The following GALNTL6 variants were observed in gnomAD, a reference collection of about 807,000 sequenced individuals.
GALNTL6 encodes the protein polypeptide N-acetylgalactosaminyltransferase like 6.
A neutral mutation model predicts 73.7 loss-of-function variants in GALNTL6; 46 were observed. The observed-to-expected ratio is 0.62, with a 90% CI of 0.49 to 0.80. The LOEUF is 0.80. Ranked by LOEUF, GALNTL6 falls within the 30% of genes least tolerant of loss-of-function variation. GALNTL6 has a pLI of 0.00. For missense variants in GALNTL6, 604 were observed against 755.0 expected (o/e 0.80, Z 2.34); for synonymous variants, 259 against 263.7 (o/e 0.98, Z 0.17).
At chr4:171,869,626 C>T (rs1169994621) in intron 2 of GALNTL6, among the ~76,000 whole-genome samples, 1 of 152,150 alleles carries the variant, frequency 6.6e-6, no homozygotes, top group Non-Finnish European at 1.5e-5. Context: ...AGTCCATTGA[C>T]TCAAGTTTCA....
At chr4:172,695,672 G>A (rs1310410009) in intron 5 of GALNTL6, among the ~76,000 whole-genome samples, 2 of 152,050 alleles carry the variant, frequency 1.3e-5, no homozygotes, top group African/African-American at 4.8e-5. Context: ...TGTAGGCTGG[G>A]CACTGTGGCT....
At chr4:172,706,221 C>G (rs909005560) in intron 5 of GALNTL6, among the ~76,000 whole-genome samples, 4 of 151,778 alleles carry the variant, frequency 2.6e-5, no homozygotes, top group Non-Finnish European at 5.9e-5. Flanking sequence ...ATTTCTTCTG[C>G]TTGATTCAGT....
At chr4:172,191,701 C>T (rs2110879717) in intron 2 of GALNTL6, among the ~76,000 whole-genome samples, 1 of 152,336 alleles carries the variant, frequency 6.6e-6, no homozygotes, top group East Asian at 1.9e-4. Flanking sequence ...AAACTTCCCT[C>T]TTGAGAGGGC....
At chr4:172,905,812 C>CAAAAAAAAAAAAAAAAAA (rs397996287) in intron 8 of GALNTL6, among the ~76,000 whole-genome samples, 7 of 69,684 alleles carry the variant, frequency 1.0e-4, no homozygotes, top group South Asian at 6.4e-4. Context: ...AGAGATCACT[C>CAAAAAAAAAAAAAAAAAA]AAAAAAAAAA....
At chr4:172,952,014 A>ATTTTTT in intron 9 of GALNTL6, 23 bp from the exon 10 acceptor site, 2 of 1,421,242 alleles carry the variant, frequency 1.4e-6, no homozygotes, top group Non-Finnish European at 9.2e-7. Context: ...AATAAATGAC[A>ATTTTTT]TTTTTGTTTT....
intron 2 of GALNTL6, among the ~76,000 whole-genome samples, chr4:172,142,785 TATTACTCTC>T (rs967280721): frequency 6.6e-6 from 1 of 152,026 alleles, no homozygotes; most frequent in African/African-American, 2.4e-5. Context: ...TCATATTCTT[TATTACTCTC>T]AAAAATAATT....
chr4:171,997,120 C>T (rs1402960242), intron 2 of GALNTL6, among the ~76,000 whole-genome samples: 4 of 152,080 alleles, frequency 2.6e-5, no homozygotes, highest in African/African-American at 9.7e-5. Context: ...GTCTTGTCTT[C>T]TTCATGTAAG....
intron 5 of GALNTL6, among the ~76,000 whole-genome samples, chr4:172,638,264 C>T (rs1453776152): frequency 6.6e-6 from 1 of 152,102 alleles, no homozygotes; most frequent in Non-Finnish European, 1.5e-5. Flanking sequence ...GTATTGCAGA[C>T]AAGAAGCTAG....
chr4:171,851,751 T>C (rs1280314404), intron 2 of GALNTL6, among the ~76,000 whole-genome samples: 3 of 152,344 alleles, frequency 2.0e-5, no homozygotes, highest in Admixed American at 6.5e-5. Context: ...GTTTTATTCA[T>C]CTTTGTGTCT....
At chr4:171,815,948 G>A (rs1734514564) in intron 2 of GALNTL6, 1 of 152,056 alleles carries the variant, frequency 6.6e-6, no homozygotes, top group African/African-American at 2.4e-5. Flanking sequence ...GAAAAATGTT[G>A]ACATATTTTC....
At position 172,956,598 on chromosome 4, in the gene GALNTL6, C is replaced by G. The variant is rs150935383; in HGVS notation, c.1371+4340C>G. Among the ~76,000 whole-genome samples, 245 of 152,226 alleles carry G rather than the reference C, an allele frequency of 1.6e-3. 1 individual carries two copies. Among genetic ancestry groups the G allele is most frequent in the Non-Finnish European group, 3.0e-3 (201 of 68,018 alleles). On this transcript the variant is annotated intron_variant, in intron 10 of 12. Transcript: ENST00000506823. ...AATAGGAGTATGACTAGACAGAAGACAGTAGGGATGACAAGTTTTTTGGGG... is the reference window on the plus strand; with the variant it reads ...AATAGGAGTATGACTAGACAGAAGAGAGTAGGGATGACAAGTTTTTTGGGG...
At chr4:172,712,844 A>G (rs993198152) in intron 5 of GALNTL6, among the ~76,000 whole-genome samples, 7 of 152,352 alleles carry the variant, frequency 4.6e-5, no homozygotes, top group East Asian at 1.9e-4. Flanking sequence ...AGCCACTGAC[A>G]TATAAAGTTG....
chr4:171,818,067 G>C (rs935154024), intron 2 of GALNTL6, among the ~76,000 whole-genome samples: 3 of 151,278 alleles, frequency 2.0e-5, no homozygotes, highest in Non-Finnish European at 4.4e-5. Flanking sequence ...AATATATTTA[G>C]CTGAGAATGA....
intron 5 of GALNTL6, among the ~76,000 whole-genome samples, chr4:172,499,888 C>T (rs28857267): frequency 0.021 from 3,201 of 152,048 alleles, 99 homozygotes; most frequent in African/African-American, 0.072. Flanking sequence ...AAGAAATGAA[C>T]GTAGGCATAG....
At chr4:172,636,432 A>C (rs574173361) in intron 5 of GALNTL6, among the ~76,000 whole-genome samples, 1 of 152,300 alleles carries the variant, frequency 6.6e-6, no homozygotes, top group Non-Finnish European at 1.5e-5. Context: ...GATTTAGTTA[A>C]GGATCTTCAG....
chr4:172,121,852 AAT>A (rs1164553451), intron 2 of GALNTL6, among the ~76,000 whole-genome samples: 1 of 152,158 alleles, frequency 6.6e-6, no homozygotes, highest in African/African-American at 2.4e-5. Context: ...AAGAAAAATT[AAT>A]AGTGATATGA....
At chr4:172,738,932 G>A (rs1736631676) in intron 5 of GALNTL6, among the ~76,000 whole-genome samples, 1 of 152,116 alleles carries the variant, frequency 6.6e-6, no homozygotes, top group East Asian at 1.9e-4. Context: ...TAAATGTCTG[G>A]GTTATGATAA....
chr4:171,850,369 CTT>C (rs1735489688), intron 2 of GALNTL6, among the ~76,000 whole-genome samples: 2 of 152,268 alleles, frequency 1.3e-5, no homozygotes, highest in African/African-American at 4.8e-5. Context: ...GGTCAGCGAT[CTT>C]AGGAGGAGAA....
intron 5 of GALNTL6, among the ~76,000 whole-genome samples, chr4:172,697,418 A>G (rs1313523407): frequency 7.2e-5 from 11 of 152,226 alleles, no homozygotes; most frequent in African/African-American, 2.7e-4. Context: ...GAAATACTAA[A>G]TAAAAAGTTG....
Sources: allele counts gnomAD v4.1 joint callset (sites outside exome capture counted in the v4.1 genomes callset), GRCh38; gene constraint gnomAD v4.1.1; transcripts MANE v1.5; gene names NCBI Gene and HGNC (gene_info 2026-07-23, HGNC 2026-07-21).